Variants in RP2 observed in about 807,000 individuals in gnomAD.
The protein encoded by RP2 is protein XRP2.
RP2 carries 3 observed loss-of-function variants against 20.3 expected under a neutral mutation model. The ratio of observed to expected loss-of-function variants is 0.15; its 90% CI spans 0.07 to 0.38. The LOEUF (loss-of-function observed/expected upper bound fraction) is 0.38, where lower values mean the gene tolerates loss of function less well. RP2 is among the 10% of genes least tolerant of loss of function. The pLI is 1.00. For synonymous variants in RP2, 75 were observed against 94.8 expected, an observed-to-expected ratio of 0.79 and a Z score of 1.22; for missense variants, 233 against 268.5, an observed-to-expected ratio of 0.87 and a Z score of 0.92.
chrX:46,854,855 C>T (rs1044492695), intron 2 of RP2, among the ~76,000 whole-genome samples: 1 of 110,248 alleles, frequency 9.1e-6, no homozygotes, highest in African/African-American at 3.3e-5. Flanking sequence ...ACTTCTGCCT[C>T]CTGGGTTCAA....
At chrX:46,855,253 G>A (rs1185296954) in intron 2 of RP2, among the ~76,000 whole-genome samples, 3 of 109,462 alleles carry the variant, frequency 2.7e-5, no homozygotes, top group Non-Finnish European at 5.7e-5. Flanking sequence ...GAATAGAGAA[G>A]GCTTTTTGGG....
At chrX:46,847,801 TATATATACACAC>T (rs1924775988) in intron 1 of RP2, among the ~76,000 whole-genome samples, 1 of 79,534 alleles carries the variant, frequency 1.3e-5, no homozygotes, top group African/African-American at 5.2e-5. Context: ...TGTGTGTGTA[TATATATACACAC>T]ATATATGTGT....
At chrX:46,869,128 A>G (rs1338640429) in intron 3 of RP2, among the ~76,000 whole-genome samples, 1 of 109,107 alleles carries the variant, frequency 9.2e-6, no homozygotes, top group Non-Finnish European at 1.9e-5. Context: ...CATCGATGTC[A>G]GGTTTAGGCA....
intron 2 of RP2, among the ~76,000 whole-genome samples, chrX:46,857,485 C>A (rs1291673201): frequency 1.8e-5 from 2 of 111,704 alleles, no homozygotes; most frequent in Admixed American, 1.9e-4. Context: ...CCTGAACCCA[C>A]GAGGCGGAGG....
intron 1 of RP2, among the ~76,000 whole-genome samples, chrX:46,851,651 G>T (rs1924861762): frequency 9.1e-6 from 1 of 109,967 alleles, no homozygotes; most frequent in African/African-American, 3.3e-5. Context: ...AAAGAAAAAG[G>T]CCGGGCACGG....
At chrX:46,843,490 C>T (rs782178979) in intron 1 of RP2, among the ~76,000 whole-genome samples, 1 of 111,827 alleles carries the variant, frequency 8.9e-6, no homozygotes, top group Admixed American at 9.5e-5. Flanking sequence ...CCTAACTACA[C>T]CTCACTGGTA....
chrX:46,869,477 A>G (rs1487017217), intron 3 of RP2, among the ~76,000 whole-genome samples: 1 of 99,969 alleles, frequency 1.0e-5, no homozygotes, highest in Non-Finnish European at 2.0e-5. Flanking sequence ...TTGTATTTTT[A>G]ATGAAGACGG....
intron 1 of RP2, among the ~76,000 whole-genome samples, chrX:46,842,215 G>A (rs1473349219): frequency 8.9e-6 from 1 of 111,952 alleles, no homozygotes; most frequent in African/African-American, 3.2e-5. Flanking sequence ...GTGCCTAGCC[G>A]TCTAACTGTG....
chrX:46,854,174 C>G, intron 2 of RP2, 33 bp downstream of exon 2: 1 of 1,161,549 alleles, frequency 8.6e-7, no homozygotes, highest in Non-Finnish European at 1.2e-6. Flanking sequence ...TAGTCATACA[C>G]CTAGATTTAA....
chrX:46,859,125 G>A (rs782392011), intron 2 of RP2, among the ~76,000 whole-genome samples: 1 of 111,326 alleles, frequency 9.0e-6, no homozygotes, highest in Non-Finnish European at 1.9e-5. Flanking sequence ...CATGGTAAGT[G>A]CTCCATAAGT....
chrX:46,863,941 A>G (rs1925120077), intron 3 of RP2, among the ~76,000 whole-genome samples: 2 of 112,189 alleles, frequency 1.8e-5, no homozygotes, highest in South Asian at 7.4e-4. Flanking sequence ...ACTGCTTAAT[A>G]AGAGAATTCA....
In RP2 at chrX:46,881,420, C is replaced by T. The variant is rs782262466; in HGVS notation, c.*1651C>T. 5 of 110,646 alleles carry T rather than the reference C, an allele frequency of 4.5e-5. No individual in the cohort carries two copies. Among genetic ancestry groups the T allele is most frequent in the South Asian group, 7.7e-4 (2 of 2,602 alleles). The allele number at this position is 110,646 out of a possible 1,213,427, so 9.1% of individuals were successfully genotyped here. ...AGTGGTCAGACGGCATTAGTTTTTC[C>T]CTTAGTTAAGCTAAATTAAAGGGAC... is the stretch of plus-strand genomic sequence containing the variant. On this transcript the variant is annotated 3_prime_UTR_variant, in exon 5 of 5. Transcript: ENST00000218340.
rs781963205 is a variant in RP2, at chrX:46,879,395, T to C, written c.970-291T>C. Among the ~76,000 whole-genome samples the C allele has an allele frequency of 2.7e-5, 3 of 111,494 alleles. No individual in the cohort carries two copies. The South Asian group carries it at 1.1e-3, about 42-fold the overall frequency. On this transcript the variant is annotated intron_variant, in intron 4 of 4. Coordinates refer to ENST00000218340, the MANE Select transcript of RP2 (RefSeq NM_006915.3). The stretch of plus-strand genomic sequence containing the variant: ...GACTCTTATTCAGTAGCTTCCGTAA[T>C]ATTGAGTGTTGTAAAAGTCCAGATG...
In RP2 at chrX:46,862,616, C is replaced by T. The variant is rs5952406; in HGVS notation, c.883+2514C>T. On this transcript the variant is annotated intron_variant, in intron 3 of 4. Coordinates refer to ENST00000218340, the MANE Select transcript of RP2 (RefSeq NM_006915.3). Reference sequence around the variant, plus strand: ...TGGAGCTTGCAGTGAGCCAAGATCGCGCCACTGCACTCCAGCCTGGGCGAC... The same window carrying T: ...TGGAGCTTGCAGTGAGCCAAGATCGTGCCACTGCACTCCAGCCTGGGCGAC... 3.0e-3 allele frequency among the ~76,000 whole-genome samples: 332 copies of T among 109,562 alleles called. 2 individuals are homozygous for T. Among genetic ancestry groups the T allele is most frequent in the African/African-American group, 0.01 (307 of 30,025 alleles).
chrX:46,872,722 TTTTGTTTG>T (rs367642575), intron 3 of RP2, among the ~76,000 whole-genome samples: 2 of 111,574 alleles, frequency 1.8e-5, no homozygotes, highest in Non-Finnish European at 3.8e-5. Context: ...TCTGGTGTTT[TTTTGTTTG>T]TTTGTTTGTT....
chrX:46,849,729 G>A (rs1217253448), intron 1 of RP2, among the ~76,000 whole-genome samples: 4 of 112,095 alleles, frequency 3.6e-5, no homozygotes, highest in African/African-American at 1.3e-4. Context: ...GAAAAGTGGA[G>A]CGTCCAGAGA....
intron 1 of RP2, among the ~76,000 whole-genome samples, chrX:46,847,866 G>A (rs1397915290): frequency 2.1e-5 from 2 of 96,251 alleles, no homozygotes; most frequent in African/African-American, 7.8e-5. Context: ...ATATGTGTGT[G>A]TATATATATA....
At chrX:46,842,979 G>GGGTCATAT (rs1556315215) in intron 1 of RP2, among the ~76,000 whole-genome samples, 4 of 109,127 alleles carry the variant, frequency 3.7e-5, no homozygotes, top group Non-Finnish European at 5.7e-5. Context: ...TGGAATTGCT[G>GGGTCATAT]GGTCATATGG....
At chrX:46,866,581 T>C (rs782038940) in intron 3 of RP2, among the ~76,000 whole-genome samples, 15 of 111,827 alleles carry the variant, frequency 1.3e-4, no homozygotes, top group Non-Finnish European at 1.7e-4. Flanking sequence ...GAGAAACTTA[T>C]TTGCCAACTA....
Sources: gnomAD v4.1 joint callset for allele counts (sites outside exome capture counted in the v4.1 genomes callset) on GRCh38, gnomAD v4.1.1 for gene constraint, MANE v1.5 for transcripts, NCBI Gene and HGNC (gene_info 2026-07-23, HGNC 2026-07-21) for gene names.